Variants in GRK4 observed in about 807,000 individuals in gnomAD.
GRK4 encodes the protein G protein-coupled receptor kinase 2-like.
Under a neutral mutation model 77.9 loss-of-function variants are expected in GRK4, and 73 were observed. The ratio of observed to expected loss-of-function variants is 0.94; its 90% CI spans 0.78 to 1.14. The LOEUF is 1.14. Among genes scored for constraint, GRK4 ranks in the 50% most tolerant of loss-of-function variants. GRK4 has a pLI of 0.00. For synonymous variants in GRK4, 257 were observed against 254.4 expected, an observed-to-expected ratio of 1.01 and a Z score of -0.10; for missense variants, 729 against 700.2, an observed-to-expected ratio of 1.04 and a Z score of -0.46.
intron 4 of GRK4, among the ~76,000 whole-genome samples, chr4:3,002,732 G>T (rs6840149): frequency 0.021 from 3,167 of 152,090 alleles, 93 homozygotes; most frequent in African/African-American, 0.067. Context: ...GGTGGCATGC[G>T]CCCATAGTCC....
intron 4 of GRK4, among the ~76,000 whole-genome samples, chr4:3,003,907 A>C (rs751713856): frequency 2.6e-5 from 4 of 152,138 alleles, no homozygotes; most frequent in Admixed American, 6.6e-5. Flanking sequence ...TATTTTTAGT[A>C]GAGACGGAGT....
intron 2 of GRK4, 142 bp from the exon 3 acceptor site, chr4:2,988,576 AAACAACAAC>A: frequency 2.0e-6 from 1 of 500,056 alleles, no homozygotes; most frequent in Non-Finnish European, 3.7e-6. Flanking sequence ...TGTCTGAAAC[AAACAACAAC>A]AACAACAACA....
chr4:2,965,570 G>A (rs1366647960), intron 1 of GRK4: 2 of 656,426 alleles, frequency 3.0e-6, no homozygotes, highest in Middle Eastern at 2.5e-4. Flanking sequence ...TGGAGCCGAA[G>A]GTGGCGGCCA....
chr4:3,012,503 C>A (rs1200326349), intron 7 of GRK4, among the ~76,000 whole-genome samples: 1 of 152,160 alleles, frequency 6.6e-6, no homozygotes, highest in Non-Finnish European at 1.5e-5. Flanking sequence ...CCAATATTTT[C>A]CACAATTAAC....
intron 8 of GRK4, 65 bp from the exon 9 acceptor site, chr4:3,019,576 A>G (rs941500378): frequency 6.3e-6 from 8 of 1,277,122 alleles, no homozygotes; most frequent in Non-Finnish European, 8.9e-6. Flanking sequence ...ATTATTAGCA[A>G]ATAGAGGAAA....
At chr4:2,975,412 TA>T (rs1255271396) in intron 1 of GRK4, among the ~76,000 whole-genome samples, 2 of 152,110 alleles carry the variant, frequency 1.3e-5, no homozygotes, top group Non-Finnish European at 2.9e-5. Flanking sequence ...TCCTCATACC[TA>T]ATATACCGTG....
At chr4:2,995,720 G>A (rs531196793) in intron 4 of GRK4, among the ~76,000 whole-genome samples, 5 of 152,054 alleles carry the variant, frequency 3.3e-5, no homozygotes, top group South Asian at 2.1e-4. Flanking sequence ...AGACAGCTGC[G>A]TGGGACACAC....
chr4:2,970,502 A>G (rs576539066), intron 1 of GRK4, among the ~76,000 whole-genome samples: 39 of 151,976 alleles, frequency 2.6e-4, no homozygotes, highest in South Asian at 8.3e-4. Flanking sequence ...TACTAAAAAT[A>G]CAAAAATTAG....
intron 12 of GRK4, among the ~76,000 whole-genome samples, chr4:3,032,950 C>G (rs1203201330): frequency 6.6e-6 from 1 of 152,202 alleles, no homozygotes; most frequent in African/African-American, 2.4e-5. Context: ...GTCTTAGTCC[C>G]TTTGGGCTGC....
At chr4:2,972,079 G>A (rs115982537) in intron 1 of GRK4, among the ~76,000 whole-genome samples, 424 of 152,252 alleles carry the variant, frequency 2.8e-3, no homozygotes, top group Non-Finnish European at 4.1e-3. Context: ...CCTGTAACAG[G>A]TACCTCTGAA....
At chr4:3,019,118 A>G (rs1735364459) in intron 8 of GRK4, among the ~76,000 whole-genome samples, 1 of 152,196 alleles carries the variant, frequency 6.6e-6, no homozygotes, top group Admixed American at 6.5e-5. Context: ...GAGGATCCAA[A>G]TGGCTATTAA....
rs192380298 is a variant in GRK4 at position 3,001,326 on chromosome 4, T to C, written c.340-2905T>C. ...GTATATATGTGTGTGTGAGTACATA[T>C]ACACACACACACACACACACACACA... is the stretch of plus-strand genomic sequence containing the variant. On this transcript the variant is annotated intron_variant, in intron 4 of 15. Transcript: ENST00000398052. 1.1e-3 allele frequency among the ~76,000 whole-genome samples: 132 copies of C among 115,188 alleles called. 3 individuals carry two copies. The East Asian group carries it at 0.014, about 12-fold the overall frequency. The allele number at this position is 115,188 out of a possible 152,430, so 75.6% of individuals were successfully genotyped here. A position where few individuals can be genotyped will look rare whatever the true frequency, so the allele number is the denominator to read the frequency against.
At chr4:3,028,161 G>A (rs551111207) in intron 11 of GRK4, among the ~76,000 whole-genome samples, 160 bp downstream of exon 11, 2 of 152,286 alleles carry the variant, frequency 1.3e-5, no homozygotes, top group South Asian at 4.1e-4. Context: ...GAGTGTTGAG[G>A]CTGCTGGGGA....
At chr4:3,032,431 AAAAAG>A (rs1446733002) in intron 12 of GRK4, among the ~76,000 whole-genome samples, 1 of 152,238 alleles carries the variant, frequency 6.6e-6, no homozygotes, top group African/African-American at 2.4e-5. Context: ...TCAAAAAAGA[AAAAAG>A]AAAAGAAAAA....
intron 1 of GRK4, among the ~76,000 whole-genome samples, chr4:2,973,485 T>G (rs1428098277): frequency 6.6e-6 from 1 of 152,106 alleles, no homozygotes; most frequent in Non-Finnish European, 1.5e-5. Context: ...GAAGCCTCAT[T>G]GGTACGAGAA....
chr4:3,013,784 C>T lies in GRK4; in HGVS notation c.697C>T (p.Leu233=), dbSNP rs368284634. 2.5e-6 allele frequency: 4 copies of T among 1,611,988 alleles called. No homozygotes were observed. The highest frequency in any genetic ancestry group is 1.7e-5 in the Admixed American group (1 of 59,596). Residue 233 remains leucine, a synonymous_variant, in exon 8 of 16, where the codon CTA becomes TTA. Coordinates refer to ENST00000398052, the MANE Select transcript of GRK4 (RefSeq NM_182982.3). Reference sequence around the variant, plus strand: ...GAAGAGGAAAGGTGAAGCTATGGCTCTAAATGAGAAAAGAATTCTGGAGAA... The same window carrying T: ...GAAGAGGAAAGGTGAAGCTATGGCTTTAAATGAGAAAAGAATTCTGGAGAA... ...IKKRKGEAMA[L]NEKRILEKVQ...
At chr4:3,005,622 G>GA (rs1487312982) in intron 5 of GRK4, among the ~76,000 whole-genome samples, 3 of 152,024 alleles carry the variant, frequency 2.0e-5, no homozygotes, top group African/African-American at 7.2e-5. Context: ...GGCCCACATA[G>GA]AGAAACCCCA....
At chr4:2,999,061 A>C (rs1207547726) in intron 4 of GRK4, among the ~76,000 whole-genome samples, 1 of 152,216 alleles carries the variant, frequency 6.6e-6, no homozygotes, top group African/African-American at 2.4e-5. Flanking sequence ...AAACAAATTC[A>C]TGCATTTTGT....
intron 9 of GRK4, among the ~76,000 whole-genome samples, chr4:3,021,919 G>C (rs1264531010): frequency 6.6e-6 from 1 of 152,092 alleles, no homozygotes; most frequent in Admixed American, 6.6e-5. Context: ...CTGTGTCCAC[G>C]GGACTCACCA....
Sources: allele counts gnomAD v4.1 joint callset (sites outside exome capture counted in the v4.1 genomes callset), GRCh38; gene constraint gnomAD v4.1.1; transcripts MANE v1.5; gene names NCBI Gene and HGNC (gene_info 2026-07-23, HGNC 2026-07-21).